Variants in HIPK2 observed in about 807,000 individuals in gnomAD.
The protein encoded by HIPK2 is homeodomain interacting protein kinase 2.
Under a neutral mutation model 113.7 loss-of-function variants are expected in HIPK2, and 27 were observed. That is an observed-to-expected ratio of 0.24 (90% CI 0.17 to 0.33). HIPK2 has a LOEUF of 0.33. Ranked by LOEUF, HIPK2 falls within the 10% of genes least tolerant of loss-of-function variation. The pLI is 1.00. For synonymous variants in HIPK2, 631 were observed against 642.2 expected (o/e 0.98, Z 0.26); for missense variants, 1,257 against 1,588.0 (o/e 0.79, Z 3.54).
intron 11 of HIPK2, 58 bp from the exon 12 acceptor site, chr7:139,597,056 G>C (rs948231200): frequency 2.0e-6 from 3 of 1,522,940 alleles, no homozygotes; most frequent in Non-Finnish European, 2.6e-6. Context: ...CAACTCCTTC[G>C]AAGGAGCCCA....
At position 139,703,536 on chromosome 7, in the gene HIPK2, TC is replaced by T. The variant is rs1794773142; in HGVS notation, c.1103+12395del. On this transcript the variant is annotated intron_variant, in intron 2 of 14. Transcript: ENST00000406875. ...GGCCAAATAAATTTTATGGCAAACG[TC>T]CACATATATAAGGCTGTGACTGGGG... is the stretch of plus-strand genomic sequence containing the variant. 3.9e-5 allele frequency among the ~76,000 whole-genome samples: 6 copies of T among 152,016 alleles called. No homozygotes were observed. In the South Asian group the frequency reaches 1.2e-3, roughly 32 times the overall value.
chr7:139,741,874 CA>C (rs1796106453), intron 1 of HIPK2, among the ~76,000 whole-genome samples: 1 of 152,292 alleles, frequency 6.6e-6, no homozygotes, highest in African/African-American at 2.4e-5. Context: ...TCAGAGAAAA[CA>C]AAGATAAGAA....
chr7:139,635,065 A>G (rs1800762290), intron 2 of HIPK2, among the ~76,000 whole-genome samples: 1 of 152,182 alleles, frequency 6.6e-6, no homozygotes, highest in Admixed American at 6.5e-5. Flanking sequence ...TCCCTGTTCT[A>G]GAGTCAGGGG....
At chr7:139,614,124 T>C (rs1799934635) in intron 8 of HIPK2, 162 bp downstream of exon 8, 1 of 334,828 alleles carries the variant, frequency 3.0e-6, no homozygotes, top group Middle Eastern at 1.5e-3. Context: ...TTGGCCACAG[T>C]AGGAGAGGAG....
chr7:139,647,946 G>C (rs1380543280), intron 2 of HIPK2, among the ~76,000 whole-genome samples: 2 of 152,242 alleles, frequency 1.3e-5, no homozygotes, highest in Non-Finnish European at 2.9e-5. Context: ...TTGTATGGTT[G>C]TATTTAGGCT....
chr7:139,657,682 A>G (rs1445286560), intron 2 of HIPK2, among the ~76,000 whole-genome samples: 2 of 152,274 alleles, frequency 1.3e-5, no homozygotes, highest in Middle Eastern at 3.4e-3. Flanking sequence ...CACACCTTCC[A>G]TTAAACTGTA....
chr7:139,609,857 A>G (rs1799752012), intron 9 of HIPK2, among the ~76,000 whole-genome samples: 1 of 152,244 alleles, frequency 6.6e-6, no homozygotes, highest in Non-Finnish European at 1.5e-5. Context: ...TCTGCATGTC[A>G]AGACACAAAG....
intron 10 of HIPK2, among the ~76,000 whole-genome samples, chr7:139,602,393 A>G (rs1799463647): frequency 6.6e-6 from 1 of 152,188 alleles, no homozygotes; most frequent in Non-Finnish European, 1.5e-5. Flanking sequence ...TGGCTCACAC[A>G]TGAAATGGAG....
intron 2 of HIPK2, among the ~76,000 whole-genome samples, chr7:139,709,261 C>T (rs1318551139): frequency 3.3e-5 from 5 of 152,170 alleles, no homozygotes; most frequent in Non-Finnish European, 5.9e-5. Context: ...AGAACCTTCT[C>T]CTGTTGTTTC....
At chr7:139,642,798 C>T (rs951761553) in intron 2 of HIPK2, among the ~76,000 whole-genome samples, 2 of 152,206 alleles carry the variant, frequency 1.3e-5, no homozygotes, top group Admixed American at 6.5e-5. Context: ...CCACCCATTG[C>T]GCTGGCTTCC....
rs114814100 is a variant in HIPK2 at position 139,575,792 on chromosome 7, C to T, written c.2966-504G>A. On this transcript the variant is annotated intron_variant, in intron 13 of 14. Coordinates refer to ENST00000406875, the MANE Select transcript of HIPK2 (RefSeq NM_022740.5). Reference sequence around the variant, plus strand: ...GAGTTCATCAGTGCATTAATATTATCTCGGGAGTGGGTTAGCTATTGAGAG... The same window carrying T: ...GAGTTCATCAGTGCATTAATATTATTTCGGGAGTGGGTTAGCTATTGAGAG... Among the ~76,000 whole-genome samples the T allele has an allele frequency of 8.6e-3, 1,306 of 152,316 alleles. 24 individuals carry two copies. The highest frequency in any genetic ancestry group is 0.03 in the African/African-American group (1,245 of 41,564).
chr7:139,643,947 C>T (rs1033052715), intron 2 of HIPK2, among the ~76,000 whole-genome samples: 1 of 152,108 alleles, frequency 6.6e-6, no homozygotes, highest in Non-Finnish European at 1.5e-5. Context: ...TGAAGCTCTG[C>T]GTTGCTGGAG....
chr7:139,588,824 C>G (rs1375290716), intron 12 of HIPK2, among the ~76,000 whole-genome samples: 1 of 152,146 alleles, frequency 6.6e-6, no homozygotes, highest in Non-Finnish European at 1.5e-5. Context: ...GGGAACTCCT[C>G]CCACCTCACA....
At chr7:139,670,751 C>CTTTTTTTTTTTTTTTTTTTTTTT (rs1802244998) in intron 2 of HIPK2, among the ~76,000 whole-genome samples, 1 of 58,986 alleles carries the variant, frequency 1.7e-5, no homozygotes, top group African/African-American at 5.4e-5. Context: ...TTCTTTCTTT[C>CTTTTTTTTTTTTTTTTTTTTTTT]TTTCTTTCTT....
In HIPK2 at chr7:139,687,864, T is replaced by C. The variant is rs28590528; in HGVS notation, c.1103+28068A>G. ...GGCAGTTTGGGGGCTGGTGGATGTA[T>C]GGGTGATTGGGAGAAGGATCCAGAG... On this transcript the variant is annotated intron_variant, in intron 2 of 14. Coordinates refer to ENST00000406875, the MANE Select transcript of HIPK2 (RefSeq NM_022740.5). Among the ~76,000 whole-genome samples, 152 of 152,310 alleles carry C rather than the reference T, an allele frequency of 1.0e-3. 1 individual carries two copies. The highest frequency in any genetic ancestry group is 3.4e-3 in the African/African-American group (141 of 41,574).
chr7:139,689,594 T>C (rs1344903812), intron 2 of HIPK2, among the ~76,000 whole-genome samples: 7 of 152,166 alleles, frequency 4.6e-5, no homozygotes, highest in Non-Finnish European at 1.5e-5. Context: ...GGGTCTGCTA[T>C]GGGGGAGGTG....
At chr7:139,575,422 T>C (rs927843427) in intron 13 of HIPK2, 134 bp from the exon 14 acceptor site, 8 of 1,031,102 alleles carry the variant, frequency 7.8e-6, no homozygotes, top group Middle Eastern at 4.4e-4. Flanking sequence ...ATCAGCCTCA[T>C]CTCCCCCGGA....
At position 139,568,756 on chromosome 7, in the gene HIPK2, G is replaced by GT. The variant is rs1798169471; in HGVS notation, c.*4170dup. 2 of 152,262 alleles carry GT rather than the reference G, an allele frequency of 1.3e-5. No homozygotes were observed. The highest frequency in any genetic ancestry group is 4.8e-5 in the African/African-American group (2 of 41,450). 9.4% of individuals were successfully genotyped at this position (152,262 alleles called of 1,614,324 possible). On this transcript the variant is annotated 3_prime_UTR_variant, in exon 15 of 15. Coordinates refer to ENST00000406875, the MANE Select transcript of HIPK2 (RefSeq NM_022740.5). ...GTGACTCAATGGCAGATTCGGCCAG[G>GT]TATGCAATTGGGCATCCAGGGAGCT...
intron 1 of HIPK2, among the ~76,000 whole-genome samples, chr7:139,721,402 C>T (rs2116977762): frequency 6.6e-6 from 1 of 152,266 alleles, no homozygotes; most frequent in South Asian, 2.1e-4. Flanking sequence ...ACAAACCTTC[C>T]CTATTAGTTT....
Sources: allele counts gnomAD v4.1 joint callset (sites outside exome capture counted in the v4.1 genomes callset), GRCh38; gene constraint gnomAD v4.1.1; transcripts MANE v1.5; gene names NCBI Gene and HGNC (gene_info 2026-07-23, HGNC 2026-07-21).